Variants in ZNF804B observed in about 807,000 individuals in gnomAD.
ZNF804B encodes zinc finger protein 804B.
In ZNF804B, 80 loss-of-function variants were observed where a neutral mutation model predicts 101.4. That is an observed-to-expected ratio of 0.79 (90% CI 0.66 to 0.95). The LOEUF is 0.95. Ranked by LOEUF, ZNF804B falls within the 40% of genes least tolerant of loss-of-function variation. ZNF804B has a pLI of 0.00. For synonymous variants in ZNF804B, 622 were observed against 558.8 expected, an observed-to-expected ratio of 1.11 and a Z score of -1.59; for missense variants, 1,673 against 1,561.9, an observed-to-expected ratio of 1.07 and a Z score of -1.20.
chr7:89,104,471 G>A (rs1351884809), intron 1 of ZNF804B, among the ~76,000 whole-genome samples: 1 of 151,928 alleles, frequency 6.6e-6, no homozygotes, highest in Non-Finnish European at 1.5e-5. Flanking sequence ...AATTTTGGGA[G>A]TTTGTGTGTT....
intron 2 of ZNF804B, among the ~76,000 whole-genome samples, chr7:89,293,128 A>G (rs1790323439): frequency 6.6e-6 from 1 of 151,922 alleles, no homozygotes; most frequent in African/African-American, 2.4e-5. Flanking sequence ...AATTTTTTTT[A>G]ATGATTTGGA....
At chr7:89,282,906 G>T (rs1468703049) in intron 2 of ZNF804B, among the ~76,000 whole-genome samples, 1 of 152,114 alleles carries the variant, frequency 6.6e-6, no homozygotes, top group South Asian at 2.1e-4. Flanking sequence ...TTTGAGCCCA[G>T]TGAAACTAAT....
chr7:89,022,450 T>C (rs1788682101), intron 1 of ZNF804B, among the ~76,000 whole-genome samples: 1 of 152,208 alleles, frequency 6.6e-6, no homozygotes, highest in Non-Finnish European at 1.5e-5. Context: ...TATCCGGTTA[T>C]GTCTTTGTTT....
intron 1 of ZNF804B, among the ~76,000 whole-genome samples, chr7:89,038,074 T>G (rs1788956380): frequency 6.6e-6 from 1 of 152,188 alleles, no homozygotes; most frequent in African/African-American, 2.4e-5. Context: ...TCCATTAATC[T>G]ATTGATGTGC....
intron 1 of ZNF804B, among the ~76,000 whole-genome samples, chr7:89,165,564 G>T (rs6977636): frequency 0.72 from 108,668 of 151,888 alleles, 40,267 homozygotes; most frequent in African/African-American, 0.91. Context: ...AGGAGTTTTA[G>T]CATGTAACTT....
At chr7:89,141,015 A>G (rs2116392738) in intron 1 of ZNF804B, among the ~76,000 whole-genome samples, 1 of 152,108 alleles carries the variant, frequency 6.6e-6, no homozygotes, top group East Asian at 1.9e-4. Context: ...AGGATTATTA[A>G]TTGGCCTAAT....
intron 1 of ZNF804B, among the ~76,000 whole-genome samples, chr7:88,987,019 T>C (rs1254113272): frequency 1.3e-5 from 2 of 152,140 alleles, no homozygotes; most frequent in Admixed American, 6.6e-5. Context: ...TTCAAAATTC[T>C]CTATCAAATA....
chr7:89,157,541 G>A (rs1790995849), intron 1 of ZNF804B, among the ~76,000 whole-genome samples: 2 of 152,136 alleles, frequency 1.3e-5, no homozygotes, highest in South Asian at 2.1e-4. Flanking sequence ...AAAGTGATCA[G>A]GTTTCCAGTC....
At chr7:88,846,209 A>G (rs1791371039) in intron 1 of ZNF804B, among the ~76,000 whole-genome samples, 1 of 152,208 alleles carries the variant, frequency 6.6e-6, no homozygotes, top group Non-Finnish European at 1.5e-5. Context: ...TATTTGCAAT[A>G]TGATTTACTG....
At chr7:89,040,575 G>A (rs1334105845) in intron 1 of ZNF804B, among the ~76,000 whole-genome samples, 1 of 152,116 alleles carries the variant, frequency 6.6e-6, no homozygotes, top group Non-Finnish European at 1.5e-5. Context: ...GCTTCTTTAA[G>A]ACAATTTTGA....
intron 1 of ZNF804B, among the ~76,000 whole-genome samples, chr7:89,117,721 A>G (rs940938142): frequency 2.6e-5 from 4 of 152,186 alleles, no homozygotes; most frequent in Non-Finnish European, 4.4e-5. Flanking sequence ...TTTTTTATTC[A>G]AATTATCATA....
chr7:89,337,302 C>A lies in ZNF804B; in HGVS notation c.*270C>A, dbSNP rs1424919722. Among the ~76,000 whole-genome samples the A allele has an allele frequency of 6.6e-6, 1 of 151,896 alleles. No individual in the cohort carries two copies. Among genetic ancestry groups the A allele is most frequent in the Non-Finnish European group, 1.5e-5 (1 of 67,970 alleles). On this transcript the variant is annotated 3_prime_UTR_variant, in exon 4 of 4. Transcript: ENST00000333190. ...GTTAAAGATTTGTTTTGGATGGGTT[C>A]TCGCATAATGTTATAAAATAGCAAC...
intron 1 of ZNF804B, among the ~76,000 whole-genome samples, chr7:89,139,069 C>G (rs1790679482): frequency 1.3e-5 from 2 of 152,036 alleles, no homozygotes; most frequent in African/African-American, 2.4e-5. Context: ...AGGTTTTGCT[C>G]CAGACCACTA....
chr7:89,048,203 A>AAC (rs140428820), intron 1 of ZNF804B, among the ~76,000 whole-genome samples: 21,507 of 149,334 alleles, frequency 0.14, 2,104 homozygotes, highest in African/African-American at 0.26. Context: ...GATGTTCACA[A>AAC]ACACACACAC....
chr7:88,809,416 A>AACCT (rs1464331845), intron 1 of ZNF804B, among the ~76,000 whole-genome samples: 5 of 151,736 alleles, frequency 3.3e-5, no homozygotes, highest in Non-Finnish European at 4.4e-5. Flanking sequence ...CCTATCTACC[A>AACCT]ACCTACCTAC....
chr7:88,974,049 C>G (rs2116117595), intron 1 of ZNF804B, among the ~76,000 whole-genome samples: 1 of 151,258 alleles, frequency 6.6e-6, no homozygotes, highest in African/African-American at 2.4e-5. Flanking sequence ...TGACAATAAT[C>G]CAAAGTCATA....
intron 1 of ZNF804B, among the ~76,000 whole-genome samples, chr7:88,857,477 A>G (rs1003762660): frequency 1.3e-5 from 2 of 152,230 alleles, no homozygotes; most frequent in African/African-American, 2.4e-5. Context: ...AGAGAATACT[A>G]TCAACAACTC....
intron 2 of ZNF804B, among the ~76,000 whole-genome samples, chr7:89,228,780 T>G (rs1265360845): frequency 6.6e-6 from 1 of 152,102 alleles, no homozygotes; most frequent in South Asian, 2.1e-4. Context: ...TCCTCAGCCC[T>G]TGGGTGGTCG....
chr7:89,288,645 A>C (rs1225736717), intron 2 of ZNF804B, among the ~76,000 whole-genome samples: 1 of 152,214 alleles, frequency 6.6e-6, no homozygotes, highest in Non-Finnish European at 1.5e-5. Context: ...TGACACTCAG[A>C]TGAATCCTTC....
Sources: gnomAD v4.1 joint callset for allele counts (sites outside exome capture counted in the v4.1 genomes callset) on GRCh38, gnomAD v4.1.1 for gene constraint, MANE v1.5 for transcripts, NCBI Gene and HGNC (gene_info 2026-07-23, HGNC 2026-07-21) for gene names.